CNOT6L: variants seen among roughly 807,000 people sequenced by gnomAD.
The protein encoded by CNOT6L is CCR4-NOT transcription complex subunit 6 like, also known as CCR4-NOT transcription complex subunit 6-like.
Under a neutral mutation model 64.0 loss-of-function variants are expected in CNOT6L, and 7 were observed. The ratio of observed to expected loss-of-function variants is 0.11; its 90% CI spans 0.06 to 0.21. The LOEUF (loss-of-function observed/expected upper bound fraction) is 0.21, where lower values mean the gene tolerates loss of function less well. CNOT6L is among the 10% of genes least tolerant of loss of function. The pLI is 1.00. For synonymous variants in CNOT6L, 193 were observed against 243.4 expected (o/e 0.79, Z 1.93); for missense variants, 245 against 669.0 (o/e 0.37, Z 6.99).
At chr4:77,812,416 C>G (rs1038876103) in intron 1 of CNOT6L, among the ~76,000 whole-genome samples, 1 of 147,456 alleles carries the variant, frequency 6.8e-6, no homozygotes, top group Non-Finnish European at 1.5e-5. Flanking sequence ...CCAGCCTGGG[C>G]GACAGAGTGA....
At chr4:77,803,810 G>A (rs1358354181) in intron 1 of CNOT6L, among the ~76,000 whole-genome samples, 1 of 152,116 alleles carries the variant, frequency 6.6e-6, no homozygotes, top group Non-Finnish European at 1.5e-5. Flanking sequence ...GGCTGAGGCA[G>A]GAGAATCGCT....
At chr4:77,802,187 T>G (rs1323865327) in intron 1 of CNOT6L, among the ~76,000 whole-genome samples, 1 of 152,162 alleles carries the variant, frequency 6.6e-6, no homozygotes, top group Non-Finnish European at 1.5e-5. Flanking sequence ...TAACTATTAA[T>G]AGTAAAAATT....
At chr4:77,760,534 C>A (rs554647122) in intron 4 of CNOT6L, among the ~76,000 whole-genome samples, 89 of 150,040 alleles carry the variant, frequency 5.9e-4, no homozygotes, top group Admixed American at 9.3e-4. Flanking sequence ...ACAAATGAAA[C>A]CCAAAGCAAG....
At chr4:77,732,226 T>C (rs1722520266) in intron 8 of CNOT6L, among the ~76,000 whole-genome samples, 1 of 152,102 alleles carries the variant, frequency 6.6e-6, no homozygotes, top group African/African-American at 2.4e-5. Context: ...GCACTAATAA[T>C]TTTTTCTTTC....
intron 4 of CNOT6L, among the ~76,000 whole-genome samples, chr4:77,762,510 T>C (rs539796649): frequency 1.3e-5 from 2 of 152,284 alleles, no homozygotes; most frequent in South Asian, 4.1e-4. Context: ...TAGACATGCA[T>C]ATGCAAAATA....
chr4:77,748,419 T>C (rs1724448529), intron 5 of CNOT6L, 35 bp from the exon 6 acceptor site: 1 of 1,343,476 alleles, frequency 7.4e-7, no homozygotes, highest in Non-Finnish European at 1.1e-6. Context: ...GTTAATTTCA[T>C]GTGTTTCTGA....
At chr4:77,779,973 A>C (rs1728681960) in intron 1 of CNOT6L, among the ~76,000 whole-genome samples, 1 of 152,116 alleles carries the variant, frequency 6.6e-6, no homozygotes. Context: ...CAATCAATCA[A>C]TCAATAACAG....
At chr4:77,777,456 A>G (rs1220628522) in intron 1 of CNOT6L, among the ~76,000 whole-genome samples, 1 of 152,236 alleles carries the variant, frequency 6.6e-6, no homozygotes, top group Non-Finnish European at 1.5e-5. Context: ...AACTCATCAA[A>G]TGTGCTATGT....
rs1724692838 is a variant in CNOT6L at position 77,750,106 on chromosome 4, T to C, written c.491-1722A>G. ...TAGAAAAAAATAGAATAACAAAATG[T>C]GATATATTTTATTTAAAAATGTTTA... On this transcript the variant is annotated intron_variant, in intron 5 of 11. Coordinates refer to ENST00000504123, the MANE Select transcript of CNOT6L (RefSeq NM_144571.3). Among the ~76,000 whole-genome samples the C allele has an allele frequency of 2.0e-5, 3 of 152,196 alleles. No homozygotes were observed. The South Asian group carries it at 6.2e-4, about 31-fold the overall frequency.
intron 1 of CNOT6L, among the ~76,000 whole-genome samples, chr4:77,813,056 A>C (rs1733135184): frequency 6.6e-6 from 1 of 152,156 alleles, no homozygotes; most frequent in Admixed American, 6.5e-5. Flanking sequence ...ACTTACAGTT[A>C]ATTAATTTTG....
At chr4:77,764,755 T>C (rs1726631144) in intron 4 of CNOT6L, among the ~76,000 whole-genome samples, 1 of 152,224 alleles carries the variant, frequency 6.6e-6, no homozygotes. Context: ...GCTTTCTGAC[T>C]GAGCTCCTCT....
chr4:77,732,536 G>A (rs1437846135), intron 8 of CNOT6L, among the ~76,000 whole-genome samples: 1 of 152,002 alleles, frequency 6.6e-6, no homozygotes, highest in Non-Finnish European at 1.5e-5. Context: ...TATGCCACAG[G>A]ATGCTGCACT....
chr4:77,725,908 T>G (rs1317597407), intron 11 of CNOT6L, among the ~76,000 whole-genome samples: 2 of 152,144 alleles, frequency 1.3e-5, no homozygotes, highest in Non-Finnish European at 2.9e-5. Context: ...CAGTGCCTGG[T>G]ACCTAGTGAG....
At chr4:77,780,992 A>G (rs950669004) in intron 1 of CNOT6L, among the ~76,000 whole-genome samples, 1 of 152,194 alleles carries the variant, frequency 6.6e-6, no homozygotes, top group Admixed American at 6.5e-5. Flanking sequence ...ATAAAAAAAC[A>G]TGCAGCCATA....
At chr4:77,736,357 G>A (rs865892116) in intron 8 of CNOT6L, among the ~76,000 whole-genome samples, 2 of 152,312 alleles carry the variant, frequency 1.3e-5, no homozygotes, top group Middle Eastern at 3.4e-3. Flanking sequence ...AAAAGAATGA[G>A]ATTTCTAGCA....
chr4:77,796,361 G>A (rs1460378530), intron 1 of CNOT6L, among the ~76,000 whole-genome samples: 1 of 152,094 alleles, frequency 6.6e-6, no homozygotes, highest in Non-Finnish European at 1.5e-5. Flanking sequence ...GGTGCTTGGT[G>A]GGAAGTGATT....
chr4:77,779,078 A>G (rs1454563389), intron 1 of CNOT6L, among the ~76,000 whole-genome samples: 1 of 150,336 alleles, frequency 6.7e-6, no homozygotes, highest in East Asian at 2.0e-4. Context: ...AAAAAACACA[A>G]AAAACACACA....
At chr4:77,810,426 C>T (rs1331263031) in intron 1 of CNOT6L, among the ~76,000 whole-genome samples, 1 of 152,122 alleles carries the variant, frequency 6.6e-6, no homozygotes, top group Non-Finnish European at 1.5e-5. Context: ...TGTCAGCTGA[C>T]AGCTAGATTC....
intron 1 of CNOT6L, among the ~76,000 whole-genome samples, chr4:77,813,921 A>T (rs1400327369): frequency 6.6e-6 from 1 of 152,194 alleles, no homozygotes; most frequent in Non-Finnish European, 1.5e-5. Context: ...AATTCAAAAC[A>T]TACATACATA....
Sources: gnomAD v4.1 joint callset for allele counts (sites outside exome capture counted in the v4.1 genomes callset) on GRCh38, gnomAD v4.1.1 for gene constraint, MANE v1.5 for transcripts, NCBI Gene and HGNC (gene_info 2026-07-23, HGNC 2026-07-21) for gene names.